GRM8: variants seen among roughly 807,000 people sequenced by gnomAD.
GRM8 encodes glutamate metabotropic receptor 8.
A neutral mutation model predicts 87.2 loss-of-function variants in GRM8; 47 were observed. The ratio of observed to expected loss-of-function variants is 0.54; its 90% CI spans 0.43 to 0.69. The LOEUF (loss-of-function observed/expected upper bound fraction) is 0.69. Among genes scored for constraint, GRM8 ranks in the 30% least tolerant of loss-of-function variants. The probability of loss-of-function intolerance (pLI) is 0.00; values close to 1 mark genes in which losing one functional copy is unlikely to be tolerated. For missense variants in GRM8, 1,019 were observed against 1,139.2 expected (o/e 0.89, Z 1.52); for synonymous variants, 396 against 404.5 (o/e 0.98, Z 0.25).
intron 8 of GRM8, among the ~76,000 whole-genome samples, chr7:126,574,731 ACACT>A (rs1460301475): frequency 6.6e-6 from 1 of 152,134 alleles, no homozygotes; most frequent in Middle Eastern, 3.2e-3. Flanking sequence ...TTTTAATTAG[ACACT>A]CACAGAATAC....
chr7:126,707,056 C>T (rs981228910), intron 7 of GRM8, among the ~76,000 whole-genome samples: 2 of 151,980 alleles, frequency 1.3e-5, no homozygotes, highest in African/African-American at 4.8e-5. Context: ...GTAATCCTAG[C>T]AATTTGAGAG....
intron 1 of GRM8, among the ~76,000 whole-genome samples, chr7:127,245,256 T>C (rs1352004843): frequency 6.6e-6 from 1 of 152,244 alleles, no homozygotes; most frequent in Non-Finnish European, 1.5e-5. Flanking sequence ...TAGTAAAACC[T>C]CATTAACTCT....
At chr7:126,829,664 A>G (rs1236979050) in intron 6 of GRM8, among the ~76,000 whole-genome samples, 1 of 152,028 alleles carries the variant, frequency 6.6e-6, no homozygotes. Flanking sequence ...CCAATTTGCC[A>G]GTCTGTGTCT....
chr7:126,666,603 T>C (rs1805795530), intron 7 of GRM8, among the ~76,000 whole-genome samples: 1 of 152,020 alleles, frequency 6.6e-6, no homozygotes, highest in Non-Finnish European at 1.5e-5. Context: ...CATGTTCCAC[T>C]CTGGGAACCT....
chr7:126,503,669 A>T (rs1245727731), intron 9 of GRM8, among the ~76,000 whole-genome samples: 2 of 152,074 alleles, frequency 1.3e-5, no homozygotes, highest in Non-Finnish European at 2.9e-5. Context: ...TAGTCTGTAC[A>T]TTAAAAAATT....
At position 126,551,685 on chromosome 7, in the gene GRM8, A is replaced by AT. The variant is rs56412563; in HGVS notation, c.1495-17799dup. On this transcript the variant is annotated intron_variant, in intron 8 of 10. Coordinates refer to ENST00000339582, the MANE Select transcript of GRM8 (RefSeq NM_000845.3). ...TGCCCTGTATTGGCAACCATACGTAATTTTTTTTTTTATCCATCCATGGTT... is the reference window on the plus strand; with the variant it reads ...TGCCCTGTATTGGCAACCATACGTAATTTTTTTTTTTTATCCATCCATGGTT... 6.9e-3 allele frequency among the ~76,000 whole-genome samples: 1,037 copies of AT among 149,524 alleles called. 7 individuals carry two copies. The highest frequency in any genetic ancestry group is 0.024 in the African/African-American group (988 of 40,728).
intron 8 of GRM8, among the ~76,000 whole-genome samples, chr7:126,572,415 G>A (rs1287622471): frequency 6.6e-6 from 1 of 152,164 alleles, no homozygotes; most frequent in African/African-American, 2.4e-5. Context: ...AGACATGAAT[G>A]TCTACATGAC....
intron 2 of GRM8, among the ~76,000 whole-genome samples, chr7:127,173,246 G>T (rs756773430): frequency 5.9e-5 from 9 of 152,178 alleles, no homozygotes; most frequent in Admixed American, 1.3e-4. Context: ...CATGATAAAC[G>T]AGTGCCAGGA....
intron 3 of GRM8, among the ~76,000 whole-genome samples, chr7:126,948,650 G>A (rs1012939075): frequency 6.6e-6 from 1 of 152,146 alleles, no homozygotes; most frequent in African/African-American, 2.4e-5. Context: ...AGCAGTGGGC[G>A]GCTAGTCCGT....
At chr7:126,462,721 T>A (rs1477718848) in intron 9 of GRM8, among the ~76,000 whole-genome samples, 1 of 151,698 alleles carries the variant, frequency 6.6e-6, no homozygotes, top group African/African-American at 2.4e-5. Flanking sequence ...GTTTTCAGAA[T>A]AATTGCACTC....
intron 6 of GRM8, among the ~76,000 whole-genome samples, chr7:126,846,241 A>C (rs1203860181): frequency 6.6e-6 from 1 of 152,184 alleles, no homozygotes; most frequent in Non-Finnish European, 1.5e-5. Flanking sequence ...TTAAAACTCA[A>C]ACTAAAAATT....
At chr7:127,233,249 CA>C (rs1353805577) in intron 2 of GRM8, among the ~76,000 whole-genome samples, 2 of 152,074 alleles carry the variant, frequency 1.3e-5, no homozygotes, top group African/African-American at 2.4e-5. Flanking sequence ...CTACAGAGCC[CA>C]ACCTATTTCA....
At chr7:126,762,956 G>A (rs1395246171) in intron 7 of GRM8, among the ~76,000 whole-genome samples, 1 of 151,698 alleles carries the variant, frequency 6.6e-6, no homozygotes, top group Non-Finnish European at 1.5e-5. Context: ...TGATGAATTG[G>A]ACTTTCTTTG....
intron 8 of GRM8, among the ~76,000 whole-genome samples, chr7:126,607,641 A>G (rs1798491004): frequency 6.6e-6 from 1 of 152,152 alleles, no homozygotes; most frequent in African/African-American, 2.4e-5. Context: ...ATATTTTCCT[A>G]GTTTATTTGA....
At chr7:126,831,137 C>CT (rs1795326865) in intron 6 of GRM8, among the ~76,000 whole-genome samples, 4 of 152,198 alleles carry the variant, frequency 2.6e-5, no homozygotes, top group African/African-American at 9.6e-5. Context: ...CCCAGTTAGG[C>CT]TGCTTGGGGG....
At chr7:126,732,886 T>C (rs1237925661) in intron 7 of GRM8, among the ~76,000 whole-genome samples, 6 of 152,180 alleles carry the variant, frequency 3.9e-5, no homozygotes, top group Non-Finnish European at 8.8e-5. Flanking sequence ...AAATCAGTTA[T>C]GTTTAGGTCA....
intron 2 of GRM8, among the ~76,000 whole-genome samples, chr7:127,195,569 G>A (rs1299279338): frequency 6.6e-6 from 1 of 152,074 alleles, no homozygotes; most frequent in Non-Finnish European, 1.5e-5. Context: ...ACTCAATGTG[G>A]CCAGTTCTAT....
chr7:126,483,728 T>C (rs537532741), intron 9 of GRM8, among the ~76,000 whole-genome samples: 102 of 138,302 alleles, frequency 7.4e-4, no homozygotes, highest in African/African-American at 2.7e-3. Flanking sequence ...TTCATAAAAC[T>C]TACCCTTAGT....
chr7:126,637,426 A>G (rs994497260), intron 7 of GRM8, among the ~76,000 whole-genome samples: 1 of 152,156 alleles, frequency 6.6e-6, no homozygotes, highest in African/African-American at 2.4e-5. Flanking sequence ...AAACTCAAAA[A>G]TAATTAAAAT....
Sources: gnomAD v4.1 joint callset for allele counts (sites outside exome capture counted in the v4.1 genomes callset) on GRCh38, gnomAD v4.1.1 for gene constraint, MANE v1.5 for transcripts, NCBI Gene and HGNC (gene_info 2026-07-23, HGNC 2026-07-21) for gene names.